Variants in TTC34 observed in about 807,000 individuals in gnomAD.
The protein encoded by TTC34 is tetratricopeptide repeat domain 34, also known as tetratricopeptide repeat protein 34.
A neutral mutation model predicts 40.7 loss-of-function variants in TTC34; 44 were observed. The observed-to-expected ratio is 1.08, with a 90% CI of 0.85 to 1.39. TTC34 has a LOEUF of 1.39. Ranked by LOEUF, TTC34 falls within the 40% of genes most tolerant of loss-of-function variation. The pLI is 0.00. For synonymous variants in TTC34, 422 were observed against 398.6 expected, an observed-to-expected ratio of 1.06 and a Z score of -0.70; for missense variants, 884 against 838.0, an observed-to-expected ratio of 1.05 and a Z score of -0.68.
At chr1:2,772,999 C>T (rs1642515820) in intron 6 of TTC34, among the ~76,000 whole-genome samples, 1 of 151,258 alleles carries the variant, frequency 6.6e-6, no homozygotes, top group Non-Finnish European at 1.5e-5. Context: ...CATCTGACAG[C>T]CTGGAGCAGC....
intron 6 of TTC34, among the ~76,000 whole-genome samples, chr1:2,685,370 C>A (rs527650403): frequency 7.0e-6 from 1 of 143,358 alleles, no homozygotes; most frequent in Admixed American, 6.9e-5. Context: ...CCTAGGTGAG[C>A]ATCTGATGTT....
At chr1:2,650,893 A>G (rs1639116586) in intron 6 of TTC34, among the ~76,000 whole-genome samples, 1 of 151,284 alleles carries the variant, frequency 6.6e-6, no homozygotes, top group Non-Finnish European at 1.5e-5. Flanking sequence ...GACAGGCTGC[A>G]ACAGCACCCA....
intron 6 of TTC34, among the ~76,000 whole-genome samples, chr1:2,769,774 G>C (rs868554855): frequency 0.041 from 1,309 of 32,020 alleles, 16 homozygotes; most frequent in Non-Finnish European, 0.049. Flanking sequence ...ATCTGACAGC[G>C]TGGAGCAGCG....
chr1:2,756,872 G>A (rs1641524320), intron 6 of TTC34, among the ~76,000 whole-genome samples: 2 of 151,966 alleles, frequency 1.3e-5, no homozygotes, highest in Non-Finnish European at 2.9e-5. Flanking sequence ...CACACCTCCA[G>A]GTGAGCATCT....
chr1:2,764,356 G>A (rs1234152358), intron 6 of TTC34, among the ~76,000 whole-genome samples: 1 of 72,736 alleles, frequency 1.4e-5, no homozygotes, highest in African/African-American at 5.4e-5. Context: ...AAGTGAGCAG[G>A]TGACAGCCTG....
At chr1:2,688,068 C>T (rs549150767) in intron 6 of TTC34, among the ~76,000 whole-genome samples, 3 of 151,954 alleles carry the variant, frequency 2.0e-5, no homozygotes, top group Admixed American at 6.5e-5. Flanking sequence ...CATCTGACAG[C>T]CTGGAACAGC....
At chr1:2,778,453 C>T (rs939332497) in intron 6 of TTC34, among the ~76,000 whole-genome samples, 1 of 152,212 alleles carries the variant, frequency 6.6e-6, no homozygotes, top group Non-Finnish European at 1.5e-5. Flanking sequence ...CCCATCCCTG[C>T]CGTGCATCCT....
intron 6 of TTC34, among the ~76,000 whole-genome samples, chr1:2,649,709 C>G (rs1057394333): frequency 6.6e-6 from 1 of 152,100 alleles, no homozygotes; most frequent in African/African-American, 2.4e-5. Context: ...TTAGTAGAGA[C>G]GGGGTTTCAC....
chr1:2,789,895 C>T (rs542660713), exon 3 of TTC34: 14 of 402,450 alleles, frequency 3.5e-5, no homozygotes, highest in Admixed American at 8.8e-5. Flanking sequence ...GTGCGCGGTC[C>T]CCTGCACGGT....
chr1:2,783,771 G>A, exon 6 of TTC34: 1 of 1,501,936 alleles, frequency 6.7e-7, no homozygotes, highest in South Asian at 1.3e-5. Flanking sequence ...CACTTGCCTG[G>A]CTTCCTGCAG....
At chr1:2,698,919 G>C (rs976456714) in intron 6 of TTC34, among the ~76,000 whole-genome samples, 13 of 119,190 alleles carry the variant, frequency 1.1e-4, no homozygotes, top group South Asian at 2.7e-4. Context: ...GCCTGGAGTA[G>C]TATCCTGCAC....
intron 6 of TTC34, among the ~76,000 whole-genome samples, chr1:2,769,820 C>G (rs1319398652): frequency 8.9e-6 from 1 of 112,976 alleles, no homozygotes; most frequent in Non-Finnish European, 1.8e-5. Context: ...CAGCCTGGAG[C>G]AGGCGCCCAC....
At chr1:2,652,525 C>CCCCAGGAGAGCA (rs1639182042) in intron 6 of TTC34, among the ~76,000 whole-genome samples, 2 of 4,160 alleles carry the variant, frequency 4.8e-4, no homozygotes, top group Admixed American at 2.4e-3. Context: ...GCACCCACAC[C>CCCCAGGAGAGCA]TCCAGGCGAG....
chr1:2,786,588 C>T (rs2100625524), intron 4 of TTC34, among the ~76,000 whole-genome samples: 1 of 152,290 alleles, frequency 6.6e-6, no homozygotes, highest in Admixed American at 6.5e-5. Context: ...GAGGTGGAGA[C>T]TCCGCCCCAG....
chr1:2,750,977 G>C (rs1172633083), intron 6 of TTC34, among the ~76,000 whole-genome samples: 1 of 111,974 alleles, frequency 8.9e-6, no homozygotes, highest in Non-Finnish European at 1.7e-5. Flanking sequence ...CCCCAGGTGC[G>C]CATGTGATGG....
At chr1:2,767,725 C>T (rs1569740089) in intron 6 of TTC34, among the ~76,000 whole-genome samples, 1 of 139,256 alleles carries the variant, frequency 7.2e-6, no homozygotes, top group Admixed American at 7.3e-5. Context: ...GAACCCCGCT[C>T]TTCCAGGTGA....
At chr1:2,768,003 C>A (rs1384451240) in intron 6 of TTC34, among the ~76,000 whole-genome samples, 1 of 151,144 alleles carries the variant, frequency 6.6e-6, no homozygotes, top group Non-Finnish European at 1.5e-5. Flanking sequence ...ACAGCACGTC[C>A]CCTCAGGTGA....
At chr1:2,756,669 CCA>C (rs1641516904) in intron 6 of TTC34, among the ~76,000 whole-genome samples, 1 of 149,348 alleles carries the variant, frequency 6.7e-6, no homozygotes, top group African/African-American at 2.5e-5. Context: ...ACCCACACCC[CCA>C]GGTGAGCAGC....
intron 6 of TTC34, among the ~76,000 whole-genome samples, chr1:2,657,354 T>C (rs1383420513): frequency 1.0e-5 from 1 of 97,410 alleles, no homozygotes; most frequent in African/African-American, 3.1e-5. Context: ...AAGGTGAGCA[T>C]CTGACAACTT....
Sources: allele counts gnomAD v4.1 joint callset (sites outside exome capture counted in the v4.1 genomes callset), GRCh38; gene constraint gnomAD v4.1.1; transcripts MANE v1.5; gene names NCBI Gene and HGNC (gene_info 2026-07-23, HGNC 2026-07-21).